Variants in PXDNL observed in about 807,000 individuals in gnomAD.
The protein encoded by PXDNL is peroxidasin like.
Under a neutral mutation model 150.8 loss-of-function variants are expected in PXDNL, and 145 were observed. The observed-to-expected ratio is 0.96, with a 90% CI of 0.84 to 1.10. The LOEUF is 1.10. PXDNL is among the 50% of genes least tolerant of loss of function. The pLI is 0.00. For synonymous variants in PXDNL, 757 were observed against 725.7 expected (o/e 1.04, Z -0.69); for missense variants, 2,087 against 1,873.9 (o/e 1.11, Z -2.10).
At chr8:51,507,608 T>A (rs1281676564) in intron 4 of PXDNL, among the ~76,000 whole-genome samples, 1 of 152,220 alleles carries the variant, frequency 6.6e-6, no homozygotes, top group African/African-American at 2.4e-5. Context: ...TGCCAGCAGC[T>A]ATGCAAACAA....
intron 2 of PXDNL, among the ~76,000 whole-genome samples, chr8:51,616,810 A>G (rs1345803395): frequency 6.6e-6 from 1 of 152,196 alleles, no homozygotes; most frequent in Non-Finnish European, 1.5e-5. Flanking sequence ...ATCCGAGGTC[A>G]GTTGAATCCA....
At position 51,345,813 on chromosome 8, in the gene PXDNL, TGA is replaced by T; in HGVS notation, c.4016+18_4016+19del. On this transcript the variant is annotated intron_variant, in intron 20 of 22. Transcript: ENST00000356297. The stretch of plus-strand genomic sequence containing the variant: ...ATCTATAGTAAGTTGCCTAAAGAAA[TGA>T]GATATTTCTATACATACCTACTTCT... 3 of 1,453,200 alleles carry T rather than the reference TGA, an allele frequency of 2.1e-6. No individual in the cohort carries two copies. Among genetic ancestry groups the T allele is most frequent in the Non-Finnish European group, 2.9e-6 (3 of 1,038,682 alleles). 90.0% of individuals were successfully genotyped at this position (1,453,200 alleles called of 1,614,324 possible).
At chr8:51,442,585 T>G (rs911775368) in intron 12 of PXDNL, among the ~76,000 whole-genome samples, 2 of 152,068 alleles carry the variant, frequency 1.3e-5, no homozygotes, top group African/African-American at 2.4e-5. Context: ...GTTGAATGTT[T>G]AACAAATGCC....
intron 1 of PXDNL, among the ~76,000 whole-genome samples, chr8:51,692,864 G>A (rs962018465): frequency 7.2e-5 from 11 of 152,168 alleles, no homozygotes; most frequent in Admixed American, 3.3e-4. Flanking sequence ...GCAGAGTTAC[G>A]TAAGTTCCTG....
intron 14 of PXDNL, among the ~76,000 whole-genome samples, chr8:51,422,619 C>T (rs777146006): frequency 5.9e-5 from 9 of 152,272 alleles, no homozygotes; most frequent in South Asian, 2.1e-4. Flanking sequence ...AAAGAATCTG[C>T]GAAACCATAT....
At chr8:51,763,190 A>G (rs1041466626) in intron 1 of PXDNL, among the ~76,000 whole-genome samples, 2 of 152,154 alleles carry the variant, frequency 1.3e-5, no homozygotes, top group African/African-American at 4.8e-5. Flanking sequence ...GATATCATAG[A>G]ATATGCAGCG....
At chr8:51,528,768 C>T (rs1283705660) in intron 4 of PXDNL, among the ~76,000 whole-genome samples, 2 of 152,206 alleles carry the variant, frequency 1.3e-5, no homozygotes, top group Non-Finnish European at 2.9e-5. Context: ...GGAAATGGGA[C>T]TGCAGGCCCA....
rs181512020 is a variant in PXDNL at position 51,446,675 on chromosome 8, G to A, written c.1525+329C>T. Reference sequence around the variant, plus strand: ...TCAGTGTCAGAGTGAGATTCAGCACGTCAGGCCGAGAAGCTGCATTCTTTT... The same window carrying A: ...TCAGTGTCAGAGTGAGATTCAGCACATCAGGCCGAGAAGCTGCATTCTTTT... On this transcript the variant is annotated intron_variant, in intron 12 of 22. Coordinates refer to ENST00000356297, the MANE Select transcript of PXDNL (RefSeq NM_144651.5). Among the ~76,000 whole-genome samples, 244 of 152,194 alleles carry A rather than the reference G, an allele frequency of 1.6e-3. 1 individual carries two copies. Among genetic ancestry groups the A allele is most frequent in the Non-Finnish European group, 2.6e-3 (174 of 68,014 alleles).
intron 13 of PXDNL, among the ~76,000 whole-genome samples, chr8:51,424,832 A>C (rs1369131210): frequency 6.6e-6 from 1 of 152,204 alleles, no homozygotes; most frequent in African/African-American, 2.4e-5. Flanking sequence ...TTAGAGTGAA[A>C]ATAACATTTC....
intron 1 of PXDNL, among the ~76,000 whole-genome samples, chr8:51,772,395 T>C (rs762063229): frequency 3.9e-5 from 6 of 152,110 alleles, no homozygotes; most frequent in Non-Finnish European, 7.3e-5. Flanking sequence ...CCAATTTATT[T>C]TTTCAGAAGA....
chr8:51,399,002 A>G (rs188512082), intron 17 of PXDNL, among the ~76,000 whole-genome samples: 56 of 152,326 alleles, frequency 3.7e-4, no homozygotes, highest in Admixed American at 8.5e-4. Flanking sequence ...CTTGATATAT[A>G]TAAGAGGAGA....
intron 6 of PXDNL, among the ~76,000 whole-genome samples, chr8:51,477,280 GA>G (rs1810500926): frequency 6.6e-6 from 1 of 152,120 alleles, no homozygotes; most frequent in South Asian, 2.1e-4. Context: ...TTGCTAAAGG[GA>G]AAACATTTGC....
At chr8:51,409,704 G>A (rs766408488) in intron 16 of PXDNL, 143 bp from the exon 17 acceptor site, 2 of 561,964 alleles carry the variant, frequency 3.6e-6, no homozygotes, top group Admixed American at 4.8e-5. Context: ...AAAACATTTC[G>A]TTAGCTCACA....
intron 2 of PXDNL, among the ~76,000 whole-genome samples, chr8:51,621,179 C>G (rs1226658686): frequency 2.0e-5 from 3 of 151,636 alleles, no homozygotes; most frequent in Non-Finnish European, 4.4e-5. Flanking sequence ...TTTCTCTGCT[C>G]TCATGCATAA....
chr8:51,605,585 G>C (rs1229161773), intron 2 of PXDNL, among the ~76,000 whole-genome samples: 1 of 152,086 alleles, frequency 6.6e-6, no homozygotes, highest in Non-Finnish European at 1.5e-5. Flanking sequence ...CGAAGATGAG[G>C]CTCTTAAATG....
At chr8:51,608,054 A>AAAGAAAGAAAGAAAGAAAGCAAGCAAGC (rs1554557536) in intron 2 of PXDNL, among the ~76,000 whole-genome samples, 4 of 111,596 alleles carry the variant, frequency 3.6e-5, no homozygotes, top group Non-Finnish European at 5.4e-5. Flanking sequence ...AGAAAGAAAG[A>AAAGAAAGAAAGAAAGAAAGCAAGCAAGC]AAGCAAGCAA....
intron 12 of PXDNL, among the ~76,000 whole-genome samples, chr8:51,428,540 C>T (rs1809170326): frequency 3.3e-5 from 5 of 152,148 alleles, no homozygotes; most frequent in Admixed American, 3.3e-4. Flanking sequence ...CAATGGGACA[C>T]AGCAGACAGC....
At chr8:51,551,665 A>G (rs1161975197) in intron 4 of PXDNL, among the ~76,000 whole-genome samples, 9 of 152,198 alleles carry the variant, frequency 5.9e-5, no homozygotes. Flanking sequence ...ATCTAATACA[A>G]AAATCAACTC....
rs1808700785 is a variant in PXDNL at position 51,413,149 on chromosome 8, CTGTGAAA to C, written c.1898_1904del (p.Phe633Ter). ...TCAATCTGTGTAAAATAAATTCTTACTGTGAAAACAAATGTCTTCGTGTGGAGTTAAT... is the reference window on the plus strand; with the variant it reads ...TCAATCTGTGTAAAATAAATTCTTACACAAATGTCTTCGTGTGGAGTTAAT... On this transcript the variant is annotated frameshift_variant and splice_region_variant, in exon 15 of 23. Coordinates refer to ENST00000356297, the MANE Select transcript of PXDNL (RefSeq NM_144651.5). LOFTEE classifies it high-confidence loss of function. 1 of 1,533,928 alleles carries C rather than the reference CTGTGAAA, an allele frequency of 6.5e-7. No individual in the cohort carries two copies. Among genetic ancestry groups the C allele is most frequent in the Non-Finnish European group, 9.0e-7 (1 of 1,107,924 alleles).
Sources: allele counts gnomAD v4.1 joint callset (sites outside exome capture counted in the v4.1 genomes callset), GRCh38; gene constraint gnomAD v4.1.1; transcripts MANE v1.5; gene names NCBI Gene and HGNC (gene_info 2026-07-23, HGNC 2026-07-21).